Variants in LRMDA observed in about 807,000 individuals in gnomAD.
LRMDA encodes the protein leucine-rich melanocyte differentiation-associated protein.
LRMDA carries 18 observed loss-of-function variants against 29.8 expected under a neutral mutation model. The ratio of observed to expected loss-of-function variants is 0.60; its 90% CI spans 0.42 to 0.90. The LOEUF (loss-of-function observed/expected upper bound fraction) is 0.90. LRMDA is among the 40% of genes least tolerant of loss of function. LRMDA has a pLI of 0.00. For synonymous variants in LRMDA, 125 were observed against 109.4 expected (o/e 1.14, Z -0.89); for missense variants, 273 against 273.9 (o/e 1.00, Z 0.02).
At chr10:75,485,386 T>C (rs1844898789) in intron 2 of LRMDA, among the ~76,000 whole-genome samples, 1 of 152,106 alleles carries the variant, frequency 6.6e-6, no homozygotes, top group Non-Finnish European at 1.5e-5. Context: ...CCTGGATTTA[T>C]TTTTAGCACT....
chr10:76,104,786 C>T (rs77416344), intron 5 of LRMDA, among the ~76,000 whole-genome samples: 2,529 of 152,182 alleles, frequency 0.017, 77 homozygotes, highest in African/African-American at 0.058. Flanking sequence ...GTTTGTGGCT[C>T]ACCCCCCATA....
chr10:76,483,393 G>A (rs1842751259), intron 6 of LRMDA, among the ~76,000 whole-genome samples: 1 of 151,914 alleles, frequency 6.6e-6, no homozygotes, highest in South Asian at 2.1e-4. Context: ...AAGGCTGCCA[G>A]GCAGGGCCCC....
intron 6 of LRMDA, among the ~76,000 whole-genome samples, chr10:76,463,161 T>C (rs1239538142): frequency 1.3e-5 from 2 of 152,228 alleles, no homozygotes; most frequent in East Asian, 1.9e-4. Flanking sequence ...CACTTCTCTG[T>C]ATCCAAGGCA....
intron 2 of LRMDA, among the ~76,000 whole-genome samples, chr10:75,645,250 T>C (rs1841503875): frequency 6.6e-6 from 1 of 152,230 alleles, no homozygotes; most frequent in Admixed American, 6.5e-5. Flanking sequence ...CCCAAAGTGC[T>C]GGGATTACAG....
chr10:75,724,440 T>C (rs1227699432), intron 2 of LRMDA, among the ~76,000 whole-genome samples: 1 of 152,244 alleles, frequency 6.6e-6, no homozygotes, highest in East Asian at 1.9e-4. Flanking sequence ...AGTATTTGCA[T>C]TGCCATTTAC....
intron 6 of LRMDA, among the ~76,000 whole-genome samples, chr10:76,453,427 G>T (rs977221537): frequency 6.6e-6 from 1 of 152,170 alleles, no homozygotes; most frequent in Non-Finnish European, 1.5e-5. Context: ...GACATACAGA[G>T]TCTTCTTGAA....
chr10:76,248,295 A>G (rs1192882592), intron 5 of LRMDA, among the ~76,000 whole-genome samples: 1 of 152,184 alleles, frequency 6.6e-6, no homozygotes, highest in African/African-American at 2.4e-5. Context: ...CAAGTCTGAA[A>G]TATTGATAGT....
At chr10:76,238,193 T>TA (rs1317116739) in intron 5 of LRMDA, among the ~76,000 whole-genome samples, 1 of 152,176 alleles carries the variant, frequency 6.6e-6, no homozygotes, top group Admixed American at 6.5e-5. Context: ...ATCCTTGTTC[T>TA]AGAGGGGAAG....
At chr10:75,685,374 T>C (rs764531721) in intron 2 of LRMDA, among the ~76,000 whole-genome samples, 6 of 152,186 alleles carry the variant, frequency 3.9e-5, no homozygotes, top group Non-Finnish European at 7.3e-5. Flanking sequence ...CTTCCAGTGG[T>C]CACAAACATG....
chr10:75,726,851 A>T (rs1048357354), intron 2 of LRMDA, among the ~76,000 whole-genome samples: 1 of 152,182 alleles, frequency 6.6e-6, no homozygotes, highest in African/African-American at 2.4e-5. Context: ...AGAGCCAGTT[A>T]TGGGTACAAT....
At chr10:76,095,278 A>G (rs1000435515) in intron 5 of LRMDA, among the ~76,000 whole-genome samples, 1 of 152,244 alleles carries the variant, frequency 6.6e-6, no homozygotes, top group Non-Finnish European at 1.5e-5. Flanking sequence ...AACGCATGTA[A>G]GATCTATCTA....
intron 6 of LRMDA, among the ~76,000 whole-genome samples, chr10:76,550,834 C>G (rs1163181965): frequency 6.6e-6 from 1 of 152,142 alleles, no homozygotes; most frequent in Non-Finnish European, 1.5e-5. Flanking sequence ...TTTAAAGTCT[C>G]TCTTCTTTAT....
At chr10:75,699,417 C>T (rs1024530198) in intron 2 of LRMDA, among the ~76,000 whole-genome samples, 8 of 152,122 alleles carry the variant, frequency 5.3e-5, no homozygotes, top group South Asian at 2.1e-4. Context: ...GGTGTGTTAT[C>T]TATAAAAACA....
intron 2 of LRMDA, among the ~76,000 whole-genome samples, chr10:75,505,042 G>T (rs1589163174): frequency 6.6e-6 from 1 of 152,132 alleles, no homozygotes; most frequent in African/African-American, 2.4e-5. Flanking sequence ...CTAGGTGAGA[G>T]ATAGGTTATG....
chr10:76,114,667 T>A (rs1257165777), intron 5 of LRMDA, among the ~76,000 whole-genome samples: 1 of 152,220 alleles, frequency 6.6e-6, no homozygotes, highest in Non-Finnish European at 1.5e-5. Context: ...AGCTTACGTG[T>A]GTGCAGCTGA....
At chr10:75,961,543 T>G (rs1470579659) in intron 2 of LRMDA, among the ~76,000 whole-genome samples, 2 of 152,220 alleles carry the variant, frequency 1.3e-5, no homozygotes, top group African/African-American at 2.4e-5. Flanking sequence ...TATTGCAGTT[T>G]ACTCTGCTAT....
At chr10:76,347,495 T>C (rs1262600148) in intron 6 of LRMDA, among the ~76,000 whole-genome samples, 2 of 152,214 alleles carry the variant, frequency 1.3e-5, no homozygotes, top group East Asian at 1.9e-4. Context: ...TCCGTGTGAC[T>C]GCATGAAATG....
At chr10:75,962,564 T>G (rs560256396) in intron 2 of LRMDA, among the ~76,000 whole-genome samples, 26 of 152,204 alleles carry the variant, frequency 1.7e-4, no homozygotes, top group African/African-American at 5.5e-4. Context: ...TGCACAGGAG[T>G]TCACTGCCCC....
At chr10:76,255,216 G>A (rs899516919) in intron 5 of LRMDA, among the ~76,000 whole-genome samples, 3 of 152,070 alleles carry the variant, frequency 2.0e-5, no homozygotes, top group Admixed American at 6.6e-5. Context: ...TAATTTTATG[G>A]TGCAAAATGA....
Sources: gnomAD v4.1 joint callset for allele counts (sites outside exome capture counted in the v4.1 genomes callset) on GRCh38, gnomAD v4.1.1 for gene constraint, MANE v1.5 for transcripts, NCBI Gene and HGNC (gene_info 2026-07-23, HGNC 2026-07-21) for gene names.